Variants in ACKR2 observed in about 807,000 individuals in gnomAD.
ACKR2 encodes the protein C-C chemokine receptor D6.
For synonymous variants in ACKR2, 207 were observed against 192.2 expected (o/e 1.08, Z -0.64); for missense variants, 457 against 477.3 (o/e 0.96, Z 0.40).
chr3:42,827,889 A>G (rs1016866652), intron 2 of ACKR2, among the ~76,000 whole-genome samples: 4 of 151,970 alleles, frequency 2.6e-5, no homozygotes, highest in Admixed American at 6.6e-5. Flanking sequence ...GGACTTGTTG[A>G]TGGTTGTTTG....
At chr3:42,853,986 A>G (rs985274337) in intron 2 of ACKR2, among the ~76,000 whole-genome samples, 2 of 152,228 alleles carry the variant, frequency 1.3e-5, no homozygotes, top group Non-Finnish European at 2.9e-5. Context: ...CAGTACACTC[A>G]GGATGGGTGT....
chr3:42,834,453 C>A (rs1203884456), intron 2 of ACKR2: 1 of 152,082 alleles, frequency 6.6e-6, no homozygotes, highest in African/African-American at 2.4e-5. Context: ...TGCCTCACTG[C>A]ATCCTTGACA....
chr3:42,852,858 GA>G lies in ACKR2; in HGVS notation c.-37-11602del. ...GAATATATATTATTATGGCAATCAGGAAAAAATAACATGTTAAAAAAGTAAG... is the reference window on the plus strand; with the variant it reads ...GAATATATATTATTATGGCAATCAGGAAAAATAACATGTTAAAAAAGTAAG... On this transcript the variant is annotated intron_variant, in intron 2 of 2. Coordinates refer to ENST00000422265, the MANE Select transcript of ACKR2 (RefSeq NM_001296.5). The surrounding 1 kb of genome is among the most constrained non-coding windows in gnomAD (Gnocchi z 4.3). Among the ~76,000 whole-genome samples the G allele has an allele frequency of 6.6e-6, 1 of 151,978 alleles. No individual in the cohort carries two copies. The highest frequency in any genetic ancestry group is 1.5e-5 in the Non-Finnish European group (1 of 67,982).
At chr3:42,831,803 C>T (rs1227862976) in intron 2 of ACKR2, among the ~76,000 whole-genome samples, 1 of 152,176 alleles carries the variant, frequency 6.6e-6, no homozygotes, top group Non-Finnish European at 1.5e-5. Flanking sequence ...ATTAAACTTT[C>T]CCTGTTCAAC....
intron 1 of ACKR2, among the ~76,000 whole-genome samples, chr3:42,813,395 A>G (rs1476655086): frequency 6.6e-6 from 1 of 152,214 alleles, no homozygotes; most frequent in Non-Finnish European, 1.5e-5. Flanking sequence ...AAGAGGTTTA[A>G]TTGACTCACA....
intron 2 of ACKR2, among the ~76,000 whole-genome samples, chr3:42,830,449 A>G (rs1344969394): frequency 6.6e-6 from 1 of 152,038 alleles, no homozygotes; most frequent in African/African-American, 2.4e-5. Context: ...CTCTTCCTTC[A>G]TTCTGTAATG....
At chr3:42,847,277 A>T (rs1175826296) in intron 2 of ACKR2, among the ~76,000 whole-genome samples, 1 of 152,218 alleles carries the variant, frequency 6.6e-6, no homozygotes, top group Non-Finnish European at 1.5e-5. Context: ...CCTTGGGCAG[A>T]TGTACAAAAG....
At chr3:42,826,142 T>A (rs1700862704) in intron 2 of ACKR2, among the ~76,000 whole-genome samples, 1 of 152,116 alleles carries the variant, frequency 6.6e-6, no homozygotes, top group Non-Finnish European at 1.5e-5. Flanking sequence ...TTTGGGTTGT[T>A]AGTATGTTGT....
intron 1 of ACKR2, among the ~76,000 whole-genome samples, chr3:42,812,752 T>A (rs913776371): frequency 6.3e-5 from 8 of 126,924 alleles, no homozygotes; most frequent in Non-Finnish European, 1.3e-4. Context: ...ACTGGCATAA[T>A]CTCATCTGAC....
intron 1 of ACKR2, among the ~76,000 whole-genome samples, chr3:42,816,289 A>G (rs180797784): frequency 3.0e-4 from 45 of 151,928 alleles, no homozygotes; most frequent in African/African-American, 1.0e-3. Flanking sequence ...TAAGATGCTC[A>G]CCATCAATAT....
chr3:42,821,110 G>A (rs964901445), intron 2 of ACKR2, among the ~76,000 whole-genome samples: 1 of 152,076 alleles, frequency 6.6e-6, no homozygotes, highest in Non-Finnish European at 1.5e-5. Context: ...AGTCTCGAAC[G>A]CCTGACCTCG....
chr3:42,832,669 G>A (rs188635913), intron 2 of ACKR2, among the ~76,000 whole-genome samples: 71 of 152,088 alleles, frequency 4.7e-4, no homozygotes, highest in African/African-American at 1.7e-3. Context: ...ATAAAAACAG[G>A]TGAGCCACCA....
rs758713198 is a variant in ACKR2, at chr3:42,864,637, C to T, written c.135C>T (p.Gly45=). The change falls in exon 3 of 3, where the codon GGC becomes GGT. Residue 45 remains glycine (G), a synonymous_variant. Transcript: ENST00000422265. ...LCRKDAVVSF[G]KVFLPVFYSL... ...GGAAGGATGCAGTGGTGTCCTTTGG[C>T]AAAGTCTTCCTCCCAGTCTTCTATA... The T allele has an allele frequency of 6.2e-7, 1 of 1,614,232 alleles. No individual in the cohort carries two copies.
At chr3:42,818,112 C>T (rs1408541727) in intron 1 of ACKR2, among the ~76,000 whole-genome samples, 1 of 152,200 alleles carries the variant, frequency 6.6e-6, no homozygotes, top group East Asian at 1.9e-4. Flanking sequence ...CCAGAGCTAT[C>T]TATTCAACTG....
chr3:42,851,130 C>A, intron 2 of ACKR2: 1 of 153,740 alleles, frequency 6.5e-6, no homozygotes. Context: ...ACTAGGGAAT[C>A]ATTCCAGAGA....
chr3:42,860,189 A>C (rs4683349), intron 2 of ACKR2, among the ~76,000 whole-genome samples: 8,981 of 110,982 alleles, frequency 0.081, 838 homozygotes, highest in East Asian at 0.18. Context: ...AAAAAAAAAA[A>C]GCAGGGGATG....
chr3:42,821,917 C>T (rs991947835), intron 2 of ACKR2, among the ~76,000 whole-genome samples: 3 of 151,904 alleles, frequency 2.0e-5, no homozygotes, highest in East Asian at 1.9e-4. Context: ...AGGATGGTCT[C>T]GATCTCCTGA....
At chr3:42,812,337 G>T (rs536374018) in intron 1 of ACKR2, among the ~76,000 whole-genome samples, 5 of 152,254 alleles carry the variant, frequency 3.3e-5, no homozygotes, top group African/African-American at 9.6e-5. Flanking sequence ...TTCTAATATT[G>T]CTTTATGAGA....
At position 42,866,163 on chromosome 3, in the gene ACKR2, T is replaced by TTTC. The variant is rs2088433911; in HGVS notation, c.*506_*507insTTC. On this transcript the variant is annotated 3_prime_UTR_variant, in exon 3 of 3. Transcript: ENST00000422265. The stretch of plus-strand genomic sequence containing the variant: ...GGCTAATTTTTGTATTTTTTTTCTT[T>TTTC]CTTTCTTTCTTTTCTTTTTTTTTTT... 7.2e-6 allele frequency: 1 copy of TTTC among 138,740 alleles called. No individual in the cohort carries two copies. The highest frequency in any genetic ancestry group is 8.1e-5 in the Admixed American group (1 of 12,390). 8.6% of individuals were successfully genotyped at this position (138,740 alleles called of 1,614,324 possible). A position where few individuals can be genotyped will look rare whatever the true frequency, so the allele number is the denominator to read the frequency against.
Sources: gnomAD v4.1 joint callset for allele counts (sites outside exome capture counted in the v4.1 genomes callset) on GRCh38, gnomAD v4.1.1 for gene constraint, Gnocchi (gnomAD v3.1) non-coding constraint, MANE v1.5 for transcripts, NCBI Gene and HGNC (gene_info 2026-07-23, HGNC 2026-07-21) for gene names.